NEK10: variants seen among roughly 807,000 people sequenced by gnomAD.
NEK10 encodes serine/threonine-protein kinase Nek10.
NEK10 carries 122 observed loss-of-function variants against 159.8 expected under a neutral mutation model. The observed-to-expected ratio is 0.76, with a 90% CI of 0.66 to 0.89. The LOEUF (loss-of-function observed/expected upper bound fraction) is 0.89. Ranked by LOEUF, NEK10 falls within the 40% of genes least tolerant of loss-of-function variation. NEK10 has a pLI of 0.00. For missense variants in NEK10, 1,342 were observed against 1,323.1 expected (o/e 1.01, Z -0.22); for synonymous variants, 466 against 457.1 (o/e 1.02, Z -0.25).
At chr3:27,224,572 C>T (rs1171249693) in intron 23 of NEK10, among the ~76,000 whole-genome samples, 3 of 152,220 alleles carry the variant, frequency 2.0e-5, no homozygotes, top group South Asian at 4.1e-4. Flanking sequence ...AGACATCTCC[C>T]ATGACCAAGT....
At chr3:27,301,162 A>G (rs1436610737) in intron 13 of NEK10, among the ~76,000 whole-genome samples, 1 of 152,226 alleles carries the variant, frequency 6.6e-6, no homozygotes, top group East Asian at 1.9e-4. Context: ...CACAAACTGC[A>G]TGACTGCTCA....
chr3:27,151,796 A>T (rs1483365211), intron 30 of NEK10, among the ~76,000 whole-genome samples: 1 of 152,228 alleles, frequency 6.6e-6, no homozygotes, highest in Non-Finnish European at 1.5e-5. Flanking sequence ...AGGGAAATAG[A>T]TAGTTTAAAG....
intron 1 of NEK10, among the ~76,000 whole-genome samples, chr3:27,364,348 T>TTGTGTGTGTG (rs4016621): frequency 9.8e-4 from 118 of 120,652 alleles, no homozygotes; most frequent in Non-Finnish European, 1.7e-3. Context: ...GCCTGGCTAA[T>TTGTGTGTGTG]TGTGTGTGTG....
intron 23 of NEK10, among the ~76,000 whole-genome samples, chr3:27,217,753 A>G (rs937956617): frequency 1.3e-5 from 2 of 152,186 alleles, no homozygotes; most frequent in African/African-American, 2.4e-5. Flanking sequence ...TCAATAAAAT[A>G]CTAGTAAACT....
chr3:27,135,664 T>C (rs369756779), intron 31 of NEK10, among the ~76,000 whole-genome samples: 2 of 152,234 alleles, frequency 1.3e-5, no homozygotes, highest in African/African-American at 4.8e-5. Flanking sequence ...CCTAATTCTA[T>C]TTTTTAAAAA....
chr3:27,215,455 C>T (rs1951417757), intron 23 of NEK10, among the ~76,000 whole-genome samples: 1 of 152,088 alleles, frequency 6.6e-6, no homozygotes, highest in Admixed American at 6.5e-5. Flanking sequence ...ATGAAAATGA[C>T]CTGTTCAGTG....
intron 29 of NEK10, among the ~76,000 whole-genome samples, chr3:27,170,466 G>A (rs1281031613): frequency 1.3e-5 from 2 of 152,260 alleles, no homozygotes; most frequent in South Asian, 4.2e-4. Flanking sequence ...GCACAGTGGC[G>A]AATGCCTGTA....
At chr3:27,190,096 T>C (rs533648179) in intron 26 of NEK10, among the ~76,000 whole-genome samples, 2 of 152,242 alleles carry the variant, frequency 1.3e-5, no homozygotes, top group African/African-American at 4.8e-5. Context: ...TTTATGCCAC[T>C]TTTAAAGTCA....
At chr3:27,271,110 A>G (rs1308903771) in intron 22 of NEK10, among the ~76,000 whole-genome samples, 1 of 152,004 alleles carries the variant, frequency 6.6e-6, no homozygotes, top group East Asian at 1.9e-4. Flanking sequence ...AGGCATAACT[A>G]TATGTATATC....
chr3:27,305,786 T>C (rs2044199343), intron 11 of NEK10, among the ~76,000 whole-genome samples: 1 of 152,172 alleles, frequency 6.6e-6, no homozygotes, highest in Admixed American at 6.5e-5. Context: ...ATTAAATTGA[T>C]GGTAAAGACA....
rs577181821 is a variant in NEK10, at chr3:27,293,298, A to C, written c.1373+290T>G. 1.2e-4 allele frequency among the ~76,000 whole-genome samples: 18 copies of C among 152,372 alleles called. No individual in the cohort carries two copies. The South Asian group carries it at 3.3e-3, about 28-fold the overall frequency. On this transcript the variant is annotated intron_variant, in intron 16 of 35. Coordinates refer to ENST00000691995, the MANE Select transcript of NEK10 (RefSeq NM_001394966.1). ...ATCTTTTAAAAATGTTAATATCTTTAATTATCAAAAAGAAAGCTAAAATCA... is the reference window on the plus strand; with the variant it reads ...ATCTTTTAAAAATGTTAATATCTTTCATTATCAAAAAGAAAGCTAAAATCA...
intron 26 of NEK10, among the ~76,000 whole-genome samples, chr3:27,186,659 G>A (rs1948650594): frequency 6.6e-6 from 1 of 151,490 alleles, no homozygotes; most frequent in Admixed American, 6.6e-5. Flanking sequence ...GCCCATGAGA[G>A]CAGAGGCCTT....
intron 22 of NEK10, among the ~76,000 whole-genome samples, chr3:27,261,019 A>G (rs982952024): frequency 1.4e-4 from 21 of 152,190 alleles, no homozygotes; most frequent in African/African-American, 4.3e-4. Context: ...AGAGGTGTTT[A>G]TAGTATTCTC....
At position 27,304,935 on chromosome 3, in the gene NEK10, C is replaced by T; in HGVS notation, c.840G>A (p.Glu280=). ...GCTTCACCTGCTCTTTCACCTGGGG[C>T]TCTGCACAAAGTAGGCGCAGCAACT... ...TAELLRLLCA[E]PQVKEQVKLY... The change falls in exon 12 of 36, where the codon GAG becomes GAA. Residue 280 remains glutamate (E), a synonymous_variant. Transcript: ENST00000691995. 6.2e-7 allele frequency: 1 copy of T among 1,613,324 alleles called. No individual in the cohort carries two copies. Among genetic ancestry groups the T allele is most frequent in the Non-Finnish European group, 8.5e-7 (1 of 1,179,720 alleles).
Position 27,291,571 on chromosome 3 carries a change from G to A in NEK10, c.1389C>T (p.Asp463=). ...RPLFKRLFPT[D]LFEIFIDIGH... is the part of the protein sequence containing the mutation. The stretch of plus-strand genomic sequence containing the variant: ...CTATGTCAATGAAGATCTCAAACAA[G>A]TCTGTGGGGAAAAGTCTACAGAGAA... The change falls in exon 17 of 36, where the codon GAC becomes GAT. Residue 463 remains aspartate (D), a synonymous_variant. Coordinates refer to ENST00000691995, the MANE Select transcript of NEK10 (RefSeq NM_001394966.1). 1.3e-6 allele frequency: 2 copies of A among 1,596,148 alleles called. No individual in the cohort carries two copies. Among genetic ancestry groups the A allele is most frequent in the Non-Finnish European group, 1.7e-6 (2 of 1,163,656 alleles).
chr3:27,226,246 C>T (rs1009073833), intron 23 of NEK10, among the ~76,000 whole-genome samples: 20 of 151,416 alleles, frequency 1.3e-4, no homozygotes, highest in Non-Finnish European at 2.4e-4. Flanking sequence ...AGGGTTTCAC[C>T]GTGTTAGCCA....
chr3:27,332,153 G>C (rs1250156798), intron 5 of NEK10, among the ~76,000 whole-genome samples: 1 of 152,122 alleles, frequency 6.6e-6, no homozygotes, highest in Admixed American at 6.6e-5. Flanking sequence ...AGAGCAGGAG[G>C]AAAGATTGAA....
chr3:27,193,040 T>C (rs889314903), intron 25 of NEK10, among the ~76,000 whole-genome samples: 1 of 152,226 alleles, frequency 6.6e-6, no homozygotes, highest in East Asian at 1.9e-4. Flanking sequence ...GGGATAATTA[T>C]AGTACCTACC....
At chr3:27,289,234 G>A (rs752740670) in intron 19 of NEK10, among the ~76,000 whole-genome samples, 9 of 152,212 alleles carry the variant, frequency 5.9e-5, no homozygotes, top group Middle Eastern at 3.2e-3. Context: ...GGATTGTTCC[G>A]TGAAAGAGAA....
Sources: gnomAD v4.1 joint callset for allele counts (sites outside exome capture counted in the v4.1 genomes callset) on GRCh38, gnomAD v4.1.1 for gene constraint, MANE v1.5 for transcripts, NCBI Gene and HGNC (gene_info 2026-07-23, HGNC 2026-07-21) for gene names.